GALNTL6: variants seen among roughly 807,000 people sequenced by gnomAD.
GALNTL6 encodes the protein polypeptide N-acetylgalactosaminyltransferase like 6, also known as polypeptide N-acetylgalactosaminyltransferase-like 6.
A neutral mutation model predicts 73.7 loss-of-function variants in GALNTL6; 46 were observed. The observed-to-expected ratio is 0.62, with a 90% confidence interval of 0.49 to 0.80. The LOEUF is 0.80. GALNTL6 is among the 30% of genes least tolerant of loss of function. GALNTL6 has a pLI of 0.00. For synonymous variants in GALNTL6, 259 were observed against 263.7 expected, an observed-to-expected ratio of 0.98 and a Z score of 0.17; for missense variants, 604 against 755.0, an observed-to-expected ratio of 0.80 and a Z score of 2.34.
chr4:172,679,000 A>C (rs1219119990), intron 5 of GALNTL6, among the ~76,000 whole-genome samples: 2 of 152,232 alleles, frequency 1.3e-5, no homozygotes, highest in Non-Finnish European at 2.9e-5. Flanking sequence ...GAACAATATA[A>C]AATGAATGGG....
At chr4:171,941,391 ATTC>A (rs1167807369) in intron 2 of GALNTL6, among the ~76,000 whole-genome samples, 1 of 152,254 alleles carries the variant, frequency 6.6e-6, no homozygotes, top group Non-Finnish European at 1.5e-5. Flanking sequence ...CTCCCCAAAC[ATTC>A]TTCTCTTGAA....
chr4:173,023,158 G>T (rs932003637), intron 12 of GALNTL6, among the ~76,000 whole-genome samples: 2 of 152,230 alleles, frequency 1.3e-5, no homozygotes, highest in African/African-American at 4.8e-5. Context: ...CTAAAGGAGA[G>T]AAGTGGTGGA....
At chr4:172,468,571 T>C (rs1422626831) in intron 5 of GALNTL6, among the ~76,000 whole-genome samples, 2 of 152,228 alleles carry the variant, frequency 1.3e-5, no homozygotes, top group East Asian at 3.8e-4. Flanking sequence ...TAAGAAATGT[T>C]AGAAACTATT....
chr4:172,956,232 G>A (rs1398026480), intron 10 of GALNTL6, among the ~76,000 whole-genome samples: 1 of 152,154 alleles, frequency 6.6e-6, no homozygotes, highest in East Asian at 1.9e-4. Context: ...AGATTAAGCT[G>A]AAGGAAGATT....
At chr4:171,944,224 A>C (rs2111018955) in intron 2 of GALNTL6, among the ~76,000 whole-genome samples, 1 of 152,170 alleles carries the variant, frequency 6.6e-6, no homozygotes, top group Admixed American at 6.5e-5. Context: ...CATGACTTGT[A>C]ATTTTAATAC....
Position 172,506,004 on chromosome 4 carries a change from C to G in GALNTL6, c.553+157315C>G, listed in dbSNP as rs1373714465. Among the ~76,000 whole-genome samples the G allele has an allele frequency of 3.7e-5, 2 of 53,862 alleles. 1 individual carries two copies. Among genetic ancestry groups the G allele is most frequent in the African/African-American group, 9.3e-5 (2 of 21,532 alleles). The allele number at this position is 53,862 out of a possible 152,430, so 35.3% of individuals were successfully genotyped here. On this transcript the variant is annotated intron_variant, in intron 5 of 12. Transcript: ENST00000506823. The stretch of plus-strand genomic sequence containing the variant: ...GAAAGAAACAAAAATACACCAAGCT[C>G]GCAGCACATTCAGCATTATCATTAG...
At chr4:172,266,558 G>A (rs1226106065) in intron 3 of GALNTL6, among the ~76,000 whole-genome samples, 2 of 152,040 alleles carry the variant, frequency 1.3e-5, no homozygotes, top group South Asian at 4.1e-4. Context: ...ATAAAACATT[G>A]TAGCTATAAA....
rs551136988 is a variant in GALNTL6 at position 172,274,859 on chromosome 4, G to A, written c.248-36755G>A. ...GTCAGATCAAAGGTTTCAAAATGAGGCCTAACAGTCTTTTCAATCCTGGTG... is the reference window on the plus strand; with the variant it reads ...GTCAGATCAAAGGTTTCAAAATGAGACCTAACAGTCTTTTCAATCCTGGTG... On this transcript the variant is annotated intron_variant, in intron 3 of 12. Coordinates refer to ENST00000506823, the MANE Select transcript of GALNTL6 (RefSeq NM_001034845.3). Among the ~76,000 whole-genome samples, 4 of 152,248 alleles carry A rather than the reference G, an allele frequency of 2.6e-5. No individual in the cohort carries two copies. The South Asian group carries it at 6.2e-4, about 24-fold the overall frequency.
intron 5 of GALNTL6, among the ~76,000 whole-genome samples, chr4:172,468,826 T>A (rs1732934856): frequency 6.6e-6 from 1 of 152,150 alleles, no homozygotes; most frequent in East Asian, 1.9e-4. Context: ...TAAATTAGCA[T>A]CTCCCTATTC....
chr4:172,255,532 G>A (rs1256438633), intron 3 of GALNTL6, among the ~76,000 whole-genome samples: 3 of 151,326 alleles, frequency 2.0e-5, no homozygotes, highest in Non-Finnish European at 4.4e-5. Context: ...CTTTTAATAA[G>A]TATTATCTCT....
intron 7 of GALNTL6, among the ~76,000 whole-genome samples, chr4:172,845,216 C>CAAAAAAAAAAAAAAAAAA (rs11336973): frequency 2.2e-5 from 2 of 91,058 alleles, no homozygotes; most frequent in African/African-American, 3.8e-5. Flanking sequence ...GTCTCTGTCT[C>CAAAAAAAAAAAAAAAAAA]AAAAAAAAAA....
intron 12 of GALNTL6, among the ~76,000 whole-genome samples, chr4:173,032,411 A>G (rs769296561): frequency 3.1e-4 from 47 of 151,780 alleles, no homozygotes; most frequent in Non-Finnish European, 5.6e-4. Flanking sequence ...AGATCGTGCC[A>G]CTGCACTCCA....
intron 5 of GALNTL6, among the ~76,000 whole-genome samples, chr4:172,435,718 A>G (rs1416619089): frequency 2.0e-5 from 3 of 152,178 alleles, no homozygotes; most frequent in Non-Finnish European, 4.4e-5. Context: ...GTTATTGTAC[A>G]TGGGATATAA....
intron 5 of GALNTL6, among the ~76,000 whole-genome samples, chr4:172,514,267 C>T (rs1734526018): frequency 6.6e-6 from 1 of 152,152 alleles, no homozygotes; most frequent in South Asian, 2.1e-4. Flanking sequence ...TCTCCTTGGG[C>T]AGGGCTTTTG....
intron 5 of GALNTL6, among the ~76,000 whole-genome samples, chr4:172,693,627 C>T (rs576574105): frequency 2.0e-5 from 3 of 152,346 alleles, no homozygotes; most frequent in South Asian, 2.1e-4. Context: ...TCTCACTATG[C>T]TCCTTCCGCA....
At chr4:172,167,865 A>G (rs1429703106) in intron 2 of GALNTL6, among the ~76,000 whole-genome samples, 9 of 149,280 alleles carry the variant, frequency 6.0e-5, no homozygotes, top group African/African-American at 2.2e-4. Flanking sequence ...AGGCTGAGGC[A>G]GGAGAATGGC....
At chr4:172,724,801 A>G (rs1035600533) in intron 5 of GALNTL6, among the ~76,000 whole-genome samples, 1 of 152,206 alleles carries the variant, frequency 6.6e-6, no homozygotes, top group African/African-American at 2.4e-5. Context: ...GAGAAAGAGA[A>G]AAAGAAATAA....
At chr4:172,865,356 A>C (rs1257822857) in intron 7 of GALNTL6, among the ~76,000 whole-genome samples, 1 of 152,204 alleles carries the variant, frequency 6.6e-6, no homozygotes, top group Non-Finnish European at 1.5e-5. Context: ...ACAGCACCAC[A>C]AGACTACAGT....
intron 2 of GALNTL6, among the ~76,000 whole-genome samples, chr4:172,055,308 G>A (rs574636669): frequency 6.6e-6 from 1 of 152,208 alleles, no homozygotes; most frequent in East Asian, 1.9e-4. Flanking sequence ...TGGGCATTTG[G>A]TTGTATTAAA....
Sources: gnomAD v4.1 joint callset for allele counts (sites outside exome capture counted in the v4.1 genomes callset) on GRCh38, gnomAD v4.1.1 for gene constraint, MANE v1.5 for transcripts, NCBI Gene and HGNC (gene_info 2026-07-23, HGNC 2026-07-21) for gene names.